The following HPS3 variants were observed in gnomAD, a reference collection of about 807,000 sequenced individuals.
The protein encoded by HPS3 is HPS3 biogenesis of lysosomal organelles complex 2 subunit 1.
Under a neutral mutation model 110.9 loss-of-function variants are expected in HPS3, and 79 were observed. That is an observed-to-expected ratio of 0.71 (90% confidence interval 0.59 to 0.86). The LOEUF (loss-of-function observed/expected upper bound fraction) is 0.86, where lower values mean the gene tolerates loss of function less well. Ranked by LOEUF, HPS3 falls within the 40% of genes least tolerant of loss-of-function variation. HPS3 has a pLI of 0.00. For missense variants in HPS3, 1,197 were observed against 1,206.2 expected (o/e 0.99, Z 0.11); for synonymous variants, 428 against 451.0 (o/e 0.95, Z 0.65).
At chr3:149,161,809 C>T (rs1239881625) in intron 11 of HPS3, among the ~76,000 whole-genome samples, 1 of 152,152 alleles carries the variant, frequency 6.6e-6, no homozygotes, top group African/African-American at 2.4e-5. Context: ...TGCACTCAGC[C>T]ATCCCGAATA....
intron 14 of HPS3, among the ~76,000 whole-genome samples, chr3:149,165,484 A>ATT (rs34255649): frequency 1.5e-4 from 22 of 149,372 alleles, no homozygotes; most frequent in African/African-American, 2.5e-4. Context: ...AACTTTTATA[A>ATT]TTTTTTTTTT....
rs756869222 is a variant in HPS3, at chr3:149,155,188, C to T, written c.1482C>T (p.Ile494=). 1 of 1,588,646 alleles carries T rather than the reference C, an allele frequency of 6.3e-7. No homozygotes were observed. The highest frequency in any genetic ancestry group is 8.6e-7 in the Non-Finnish European group (1 of 1,156,898). Residue 494 remains isoleucine, a synonymous_variant, in exon 8 of 17, where the codon ATC becomes ATT. Transcript: ENST00000296051. The stretch of plus-strand genomic sequence containing the variant: ...GGAATTTGTATATTGTGAATACGAT[C>T]TCACCAGTGCAGCTGTACAAAGAGA... ...AGWNLYIVNT[I]SPVQLYKEMV...
chr3:149,136,112 CAG>C (rs1002374485), intron 1 of HPS3, among the ~76,000 whole-genome samples: 2 of 151,940 alleles, frequency 1.3e-5, no homozygotes, highest in Non-Finnish European at 2.9e-5. Context: ...TTAATAAAGA[CAG>C]AAGCTGAGCC....
intron 5 of HPS3, among the ~76,000 whole-genome samples, chr3:149,146,908 G>A (rs1722809916): frequency 6.6e-6 from 1 of 152,192 alleles, no homozygotes; most frequent in African/African-American, 2.4e-5. Context: ...ACCAGAGAAA[G>A]TAATATGATC....
intron 5 of HPS3, among the ~76,000 whole-genome samples, chr3:149,148,803 T>C (rs930883986): frequency 2.0e-5 from 3 of 152,172 alleles, no homozygotes; most frequent in African/African-American, 2.4e-5. Flanking sequence ...AGCAACTTGC[T>C]ATTTTACATA....
intron 1 of HPS3, among the ~76,000 whole-genome samples, chr3:149,136,096 A>C (rs1038445525): frequency 6.6e-6 from 1 of 152,050 alleles, no homozygotes; most frequent in African/African-American, 2.4e-5. Context: ...TGATTTTTCA[A>C]TGTACTTAAT....
In HPS3 at chr3:149,158,686, A is replaced by T; in HGVS notation, c.1712A>T (p.His571Leu). 6.2e-7 allele frequency: 1 copy of T among 1,613,276 alleles called. No individual in the cohort carries two copies. The highest frequency in any genetic ancestry group is 8.5e-7 in the Non-Finnish European group (1 of 1,179,422). The change falls in exon 10 of 17, where the codon CAT (histidine) becomes CTT (leucine). Residue 571 changes from histidine to leucine, a missense_variant. Physicochemically the swap from His to Leu is moderately conservative, Grantham distance 99. Transcript: ENST00000296051. ...CYSRLDSQHS[H>L]LTLPYYKMSG... is the part of the protein sequence containing the mutation. Reference sequence around the variant, plus strand: ...TTTAGGCTTGACTCCCAGCATTCTCATCTCACCTTGCCATACTATAAGATG... The same window carrying T: ...TTTAGGCTTGACTCCCAGCATTCTCTTCTCACCTTGCCATACTATAAGATG...
intron 7 of HPS3, chr3:149,153,993 A>AC (rs373169251): frequency 1.2e-4 from 30 of 258,052 alleles, no homozygotes; most frequent in African/African-American, 6.6e-4. Flanking sequence ...TTCTTCTTTG[A>AC]CCCTTTCAGT....
At position 149,160,291 on chromosome 3, in the gene HPS3, T is replaced by G; in HGVS notation, c.2106+12T>G. On this transcript the variant is annotated intron_variant, in intron 11 of 16. Transcript: ENST00000296051. ...AAAGCCATTCAGAGGTATGGAGCTC[T>G]GCCCGGTGCTAACAGAAGGCTGAAA... 6.4e-7 allele frequency: 1 copy of G among 1,563,558 alleles called. No individual in the cohort carries two copies. Among genetic ancestry groups the G allele is most frequent in the Non-Finnish European group, 8.8e-7 (1 of 1,134,278 alleles).
chr3:149,131,075 G>T (rs1007782889), intron 1 of HPS3, among the ~76,000 whole-genome samples: 20 of 150,370 alleles, frequency 1.3e-4, no homozygotes, highest in African/African-American at 4.9e-4. Flanking sequence ...CTACCCCGCA[G>T]CTGGTTCGGT....
chr3:149,148,218 G>A (rs1722895092), intron 5 of HPS3, among the ~76,000 whole-genome samples: 2 of 151,840 alleles, frequency 1.3e-5, no homozygotes, highest in African/African-American at 4.8e-5. Flanking sequence ...AAAATCTCTT[G>A]TCCCATAAGG....
In HPS3 at chr3:149,168,176, C is replaced by G; in HGVS notation, c.2887+193C>G. On this transcript the variant is annotated intron_variant, in intron 16 of 16. Transcript: ENST00000296051. ...ATTGATTTATCTCCTAGTCACAGAA[C>G]TGATGTTCTTTTAACTTAATCCTTT... 3 of 572,068 alleles carry G rather than the reference C, an allele frequency of 5.2e-6. No individual in the cohort carries two copies. In the East Asian group the frequency reaches 9.0e-5, roughly 17 times the overall value. The allele number at this position is 572,068 out of a possible 1,614,324, so 35.4% of individuals were successfully genotyped here.
At position 149,140,514 on chromosome 3, in the gene HPS3, G is replaced by T; in HGVS notation, c.712+16G>T. 1 of 1,613,790 alleles carries T rather than the reference G, an allele frequency of 6.2e-7. No individual in the cohort carries two copies. Among genetic ancestry groups the T allele is most frequent in the South Asian group, 1.1e-5 (1 of 90,932 alleles). The stretch of plus-strand genomic sequence containing the variant: ...ACAGAAGAAGGTAAATAATGAATTT[G>T]ACTTGCTTTCTTGTTTTAGGAATAT... On this transcript the variant is annotated intron_variant, in intron 2 of 16. Transcript: ENST00000296051.
At position 149,172,318 on chromosome 3, in the gene HPS3, TCACACACACA is replaced by T. The variant is rs113015797; in HGVS notation, c.*125_*134del. The T allele has an allele frequency of 4.4e-4, 253 of 571,942 alleles. 4 individuals carry two copies. Among genetic ancestry groups the T allele is most frequent in the South Asian group, 2.8e-3 (165 of 58,210 alleles). The allele number at this position is 571,942 out of a possible 1,614,324, so 35.4% of individuals were successfully genotyped here. On this transcript the variant is annotated 3_prime_UTR_variant, in exon 17 of 17. Coordinates refer to ENST00000296051, the MANE Select transcript of HPS3 (RefSeq NM_032383.5). ...GTAGAGGAGTTTTTTATTTTATATATCACACACACACACACACACACACACACACACACAC... is the reference window on the plus strand; with the variant it reads ...GTAGAGGAGTTTTTTATTTTATATATCACACACACACACACACACACACAC...
chr3:149,166,717 A>G (rs1724456519), intron 14 of HPS3, among the ~76,000 whole-genome samples: 1 of 152,188 alleles, frequency 6.6e-6, no homozygotes, highest in African/African-American at 2.4e-5. Context: ...CTTTAACCAC[A>G]ATGTTGATTA....
chr3:149,148,393 T>C (rs1487848789), intron 5 of HPS3, among the ~76,000 whole-genome samples: 1 of 141,026 alleles, frequency 7.1e-6, no homozygotes, highest in Non-Finnish European at 1.5e-5. Context: ...GTTAAGCATA[T>C]CAAGACTTTT....
chr3:149,140,343 T>G lies in HPS3; in HGVS notation c.557T>G (p.Ile186Ser). ...TCTTTAATTATACACATAGATAATA[T>G]CACTCCTGTTGAGGTTTCTTTTTGT... ...ERSLIIHIDN[I>S]TPVEVSFCVG... Residue 186 changes from isoleucine to serine, a missense_variant, in exon 2 of 17, where the codon ATC becomes AGC. By Grantham distance (142) the Ile-to-Ser change is moderately radical. Transcript: ENST00000296051. 1 of 1,612,956 alleles carries G rather than the reference T, an allele frequency of 6.2e-7. No homozygotes were observed.
chr3:149,160,557 G>A lies in HPS3; in HGVS notation c.2106+278G>A, dbSNP rs190215668. On this transcript the variant is annotated intron_variant, in intron 11 of 16. Transcript: ENST00000296051. ...GGTACTAAAGAACAGGCTCTGCTCCGAGGGGACGATGTGATCTGGCATGAG... is the reference window on the plus strand; with the variant it reads ...GGTACTAAAGAACAGGCTCTGCTCCAAGGGGACGATGTGATCTGGCATGAG... 3.2e-3 allele frequency among the ~76,000 whole-genome samples: 482 copies of A among 152,334 alleles called. 1 individual carries two copies. Among genetic ancestry groups the A allele is most frequent in the Middle Eastern group, 6.8e-3 (2 of 294 alleles).
intron 1 of HPS3, among the ~76,000 whole-genome samples, chr3:149,135,060 TCTC>T (rs1463193290): frequency 1.3e-5 from 2 of 152,060 alleles, no homozygotes; most frequent in African/African-American, 2.4e-5. Context: ...CTGTAGCAAG[TCTC>T]CTCCTCAAAA....
Sources: allele counts gnomAD v4.1 joint callset (sites outside exome capture counted in the v4.1 genomes callset), GRCh38; gene constraint gnomAD v4.1.1; transcripts MANE v1.5; gene names NCBI Gene and HGNC (gene_info 2026-07-23, HGNC 2026-07-21).